HMGA2: variants seen among roughly 807,000 people sequenced by gnomAD.
HMGA2 encodes the protein high mobility group AT-hook 2.
Under a neutral mutation model 19.1 loss-of-function variants are expected in HMGA2, and 8 were observed. That is an observed-to-expected ratio of 0.42 (90% CI 0.25 to 0.76). HMGA2 has a LOEUF of 0.76. Ranked by LOEUF, HMGA2 falls within the 30% of genes least tolerant of loss-of-function variation. The pLI is 0.28. For missense variants in HMGA2, 109 were observed against 136.3 expected (o/e 0.80, Z 1.00); for synonymous variants, 60 against 48.8 (o/e 1.23, Z -0.96).
At chr12:65,854,429 A>G (rs1413604562) in intron 3 of HMGA2, among the ~76,000 whole-genome samples, 3 of 152,338 alleles carry the variant, frequency 2.0e-5, no homozygotes, top group African/African-American at 4.8e-5. Context: ...CAAGATCTCA[A>G]TTAGGATGTT....
At chr12:65,928,702 C>A (rs1242411629) in intron 3 of HMGA2, among the ~76,000 whole-genome samples, 4 of 152,092 alleles carry the variant, frequency 2.6e-5, no homozygotes, top group South Asian at 2.1e-4. Context: ...TTTTGGCTAA[C>A]AACTAAGACA....
At chr12:65,869,283 A>C (rs553516713) in intron 3 of HMGA2, among the ~76,000 whole-genome samples, 2 of 152,348 alleles carry the variant, frequency 1.3e-5, no homozygotes, top group African/African-American at 4.8e-5. Context: ...ATCACAGAGC[A>C]ACTCAGAAAG....
intron 3 of HMGA2, among the ~76,000 whole-genome samples, chr12:65,936,043 T>TA (rs1160272025): frequency 6.6e-6 from 1 of 152,218 alleles, no homozygotes; most frequent in Non-Finnish European, 1.5e-5. Flanking sequence ...CATATAGCTT[T>TA]AATGTTCACA....
chr12:65,949,054 A>G (rs1370368888), intron 3 of HMGA2, among the ~76,000 whole-genome samples: 1 of 152,178 alleles, frequency 6.6e-6, no homozygotes. Context: ...CTTCTTCCAA[A>G]TGACCCTTTG....
intron 1 of HMGA2, among the ~76,000 whole-genome samples, 185 bp from the exon 2 acceptor site, chr12:65,827,816 C>T (rs1385798930): frequency 1.3e-5 from 2 of 152,182 alleles, no homozygotes; most frequent in African/African-American, 2.4e-5. Context: ...TGAACCCTTG[C>T]ATTAAAAGTA....
At chr12:65,961,169 G>A (rs3115954) in intron 4 of HMGA2, among the ~76,000 whole-genome samples, 10,988 of 152,232 alleles carry the variant, frequency 0.072, 472 homozygotes, top group Non-Finnish European at 0.093. Flanking sequence ...CTTTTATGCC[G>A]TGGTCTGTTT....
chr12:65,848,788 G>A (rs1313843224), intron 3 of HMGA2, among the ~76,000 whole-genome samples: 2 of 152,084 alleles, frequency 1.3e-5, no homozygotes, highest in East Asian at 3.9e-4. Flanking sequence ...CCCGGGAGGC[G>A]GAGCTTGCAG....
chr12:65,891,023 G>A (rs949675327), intron 3 of HMGA2, among the ~76,000 whole-genome samples: 2 of 152,118 alleles, frequency 1.3e-5, no homozygotes, highest in African/African-American at 2.4e-5. Context: ...GAGCCATAGC[G>A]CCCAGCCGAC....
Position 65,838,608 on chromosome 12 carries a change from GA to G in HMGA2, c.249+44del, listed in dbSNP as rs755029557. Reference sequence around the variant, plus strand: ...TATAATTTTTCTTCTTTTTTTTAAAGAAAAATTTCTGTTGTATTAAATGAGA... The same window carrying G: ...TATAATTTTTCTTCTTTTTTTTAAAGAAAATTTCTGTTGTATTAAATGAGA... On this transcript the variant is annotated intron_variant, in intron 3 of 4. Transcript: ENST00000403681. The G allele has an allele frequency of 2.1e-6, 3 of 1,443,794 alleles. No individual in the cohort carries two copies. In the East Asian group the frequency reaches 7.2e-5, roughly 35 times the overall value. The allele number at this position is 1,443,794 out of a possible 1,614,324, so 89.4% of individuals were successfully genotyped here.
chr12:65,856,989 A>G (rs996238316), intron 3 of HMGA2: 8 of 152,182 alleles, frequency 5.3e-5, no homozygotes, highest in African/African-American at 1.9e-4. Flanking sequence ...GGGCTTCACT[A>G]TATCTTTTTA....
At chr12:65,838,982 C>CTTTTTTTTTT (rs761437964) in intron 3 of HMGA2, among the ~76,000 whole-genome samples, 1 of 103,142 alleles carries the variant, frequency 9.7e-6, no homozygotes, top group African/African-American at 7.0e-5. Context: ...TTTTCTTTTT[C>CTTTTTTTTTT]TTTCTTTTTC....
intron 3 of HMGA2, among the ~76,000 whole-genome samples, chr12:65,926,960 G>T (rs903876970): frequency 6.6e-6 from 1 of 152,164 alleles, no homozygotes; most frequent in Non-Finnish European, 1.5e-5. Flanking sequence ...GTAATCAGGG[G>T]TCTTTTTGCC....
chr12:65,878,843 T>C (rs1873199963), intron 3 of HMGA2, among the ~76,000 whole-genome samples: 1 of 152,172 alleles, frequency 6.6e-6, no homozygotes. Flanking sequence ...CAAGACTTAT[T>C]CATACTAGTC....
At chr12:65,872,498 G>C (rs1302635258) in intron 3 of HMGA2, among the ~76,000 whole-genome samples, 1 of 152,180 alleles carries the variant, frequency 6.6e-6, no homozygotes, top group African/African-American at 2.4e-5. Context: ...TTGACTGACT[G>C]TATTCGTAGC....
At chr12:65,838,998 C>CATTTTTTTTTTTT (rs1870868325) in intron 3 of HMGA2, among the ~76,000 whole-genome samples, 1 of 107,230 alleles carries the variant, frequency 9.3e-6, no homozygotes. Flanking sequence ...TTTTCTTTTT[C>CATTTTTTTTTTTT]TTTTTTTTTT....
At chr12:65,934,597 G>A (rs1326155274) in intron 3 of HMGA2, among the ~76,000 whole-genome samples, 2 of 152,078 alleles carry the variant, frequency 1.3e-5, no homozygotes, top group Non-Finnish European at 2.9e-5. Context: ...AAAGGCTGTT[G>A]GTACACCCAC....
At chr12:65,845,146 AAATT>A (rs1201065361) in intron 3 of HMGA2, among the ~76,000 whole-genome samples, 1 of 152,204 alleles carries the variant, frequency 6.6e-6, no homozygotes, top group Non-Finnish European at 1.5e-5. Context: ...TATATTAATA[AAATT>A]AATATGCCAC....
At chr12:65,839,270 C>T (rs1463167902) in intron 3 of HMGA2, among the ~76,000 whole-genome samples, 1 of 152,038 alleles carries the variant, frequency 6.6e-6, no homozygotes, top group African/African-American at 2.4e-5. Flanking sequence ...ACTGCTTGAA[C>T]TTTGTTCCCT....
chr12:65,908,201 G>A (rs1874686563), intron 3 of HMGA2, among the ~76,000 whole-genome samples: 1 of 152,100 alleles, frequency 6.6e-6, no homozygotes, highest in African/African-American at 2.4e-5. Context: ...TACTTTACTT[G>A]TACCTGACTG....
Sources: gnomAD v4.1 joint callset for allele counts (sites outside exome capture counted in the v4.1 genomes callset) on GRCh38, gnomAD v4.1.1 for gene constraint, MANE v1.5 for transcripts, NCBI Gene and HGNC (gene_info 2026-07-23, HGNC 2026-07-21) for gene names.